PDE3A: variants seen among roughly 807,000 people sequenced by gnomAD.
PDE3A encodes cGMP-inhibited 3',5'-cyclic phosphodiesterase 3A.
In PDE3A, 43 loss-of-function variants were observed where a neutral mutation model predicts 98.3. The observed-to-expected ratio is 0.44, with a 90% CI of 0.34 to 0.56. The LOEUF is 0.56. Among genes scored for constraint, PDE3A ranks in the 20% least tolerant of loss-of-function variants. The pLI, the probability that PDE3A is intolerant of heterozygous loss-of-function variation, is 0.01. For synonymous variants in PDE3A, 663 were observed against 567.9 expected (o/e 1.17, Z -2.38); for missense variants, 1,427 against 1,440.7 (o/e 0.99, Z 0.15).
intron 1 of PDE3A, among the ~76,000 whole-genome samples, chr12:20,455,712 A>G (rs967170824): frequency 2.0e-5 from 3 of 152,152 alleles, no homozygotes; most frequent in Non-Finnish European, 4.4e-5. Flanking sequence ...AAACAGATAA[A>G]CATCATATTA....
intron 1 of PDE3A, among the ~76,000 whole-genome samples, chr12:20,518,409 A>G (rs1592010716): frequency 6.7e-6 from 1 of 149,526 alleles, no homozygotes; most frequent in Non-Finnish European, 1.5e-5. Flanking sequence ...ATAATGGAGA[A>G]AAAAAAAAGA....
chr12:20,436,036 C>T (rs1318344639), intron 1 of PDE3A, among the ~76,000 whole-genome samples: 1 of 152,030 alleles, frequency 6.6e-6, no homozygotes, highest in African/African-American at 2.4e-5. Flanking sequence ...TGGAATTGAT[C>T]CTTGTTACTC....
At chr12:20,577,639 T>C (rs1025378330) in intron 2 of PDE3A, among the ~76,000 whole-genome samples, 1 of 152,214 alleles carries the variant, frequency 6.6e-6, no homozygotes, top group Admixed American at 6.5e-5. Context: ...ATGTTCATTA[T>C]GTTGAACTAG....
intron 9 of PDE3A, among the ~76,000 whole-genome samples, chr12:20,637,820 G>A (rs1944553842): frequency 6.6e-6 from 1 of 151,990 alleles, no homozygotes; most frequent in Non-Finnish European, 1.5e-5. Context: ...TACTTGTTTT[G>A]CTGAAGAAGA....
At chr12:20,648,930 T>TC (rs1944846768) in intron 13 of PDE3A, 39 bp downstream of exon 13, 10 of 1,149,210 alleles carry the variant, frequency 8.7e-6, no homozygotes, top group East Asian at 2.6e-5. Context: ...TCTTTTTCTT[T>TC]TTTTTTTTTT....
chr12:20,615,152 C>T (rs1294981595), intron 3 of PDE3A, among the ~76,000 whole-genome samples: 1 of 151,742 alleles, frequency 6.6e-6, no homozygotes, highest in African/African-American at 2.4e-5. Context: ...GATCCACCCG[C>T]CTTGGCCTCC....
rs529554221 is a variant in PDE3A at position 20,484,744 on chromosome 12, A to G, written c.961-71916A>G. Reference sequence around the variant, plus strand: ...CCTCAGAATTTGAAAGTATGGCTGTAAAGGGTGAAATCACTGATGTTAAGG... The same window carrying G: ...CCTCAGAATTTGAAAGTATGGCTGTGAAGGGTGAAATCACTGATGTTAAGG... On this transcript the variant is annotated intron_variant, in intron 1 of 15. Coordinates refer to ENST00000359062, the MANE Select transcript of PDE3A (RefSeq NM_000921.5). 2.2e-4 allele frequency among the ~76,000 whole-genome samples: 33 copies of G among 152,326 alleles called. No homozygotes were observed. In the South Asian group the frequency reaches 6.4e-3, roughly 30 times the overall value.
At chr12:20,393,289 A>G (rs947252916) in intron 1 of PDE3A, among the ~76,000 whole-genome samples, 9 of 152,076 alleles carry the variant, frequency 5.9e-5, no homozygotes, top group African/African-American at 2.2e-4. Context: ...CACATCTTAC[A>G]TAGATGGCGG....
intron 10 of PDE3A, among the ~76,000 whole-genome samples, chr12:20,644,550 C>T (rs1476532216): frequency 1.3e-5 from 2 of 152,082 alleles, no homozygotes; most frequent in Non-Finnish European, 2.9e-5. Flanking sequence ...GCACACCTGT[C>T]CCAAATCCAG....
chr12:20,563,614 A>G (rs973879564), intron 2 of PDE3A, among the ~76,000 whole-genome samples: 4 of 152,138 alleles, frequency 2.6e-5, no homozygotes, highest in Admixed American at 1.3e-4. Flanking sequence ...AATTTTTCCA[A>G]TAATTGTTTA....
rs1377740610 is a variant in PDE3A, at chr12:20,684,128, G to A, written c.*3857G>A. 6.6e-6 allele frequency: 1 copy of A among 152,108 alleles called. No individual in the cohort carries two copies. Among genetic ancestry groups the A allele is most frequent in the African/African-American group, 2.4e-5 (1 of 41,428 alleles). The allele number at this position is 152,108 out of a possible 1,614,324, so 9.4% of individuals were successfully genotyped here. A position where few individuals can be genotyped will look rare whatever the true frequency, so the allele number is the denominator to read the frequency against. ...ATTTATAAAAGTGAACTAATTGTGT[G>A]ATTATCAAATCCTGATTAATGAGAA... On this transcript the variant is annotated 3_prime_UTR_variant, in exon 16 of 16. Transcript: ENST00000359062.
intron 1 of PDE3A, among the ~76,000 whole-genome samples, chr12:20,524,029 C>T (rs995622999): frequency 2.0e-5 from 3 of 152,050 alleles, no homozygotes; most frequent in African/African-American, 7.2e-5. Context: ...GGACTCATAC[C>T]TCTTTAGTGG....
intron 1 of PDE3A, among the ~76,000 whole-genome samples, chr12:20,555,915 T>C (rs1470868532): frequency 1.3e-5 from 2 of 152,186 alleles, no homozygotes; most frequent in Non-Finnish European, 2.9e-5. Context: ...TAGTCCATCT[T>C]ATTGGTGTGC....
intron 1 of PDE3A, among the ~76,000 whole-genome samples, chr12:20,537,036 A>G (rs975544011): frequency 6.6e-6 from 1 of 152,016 alleles, no homozygotes; most frequent in Admixed American, 6.6e-5. Context: ...ATTTCTCCAC[A>G]TCCTCAACAA....
In PDE3A at chr12:20,648,926, TC is replaced by T. The variant is rs757717073; in HGVS notation, c.2769+36del. ...GCTGTACCCAGTTTTCTTTTCTTTT[TC>T]TTTTTTTTTTTTTTTTGAGACAGAG... On this transcript the variant is annotated intron_variant, in intron 13 of 15. Transcript: ENST00000359062. The T allele has an allele frequency of 6.1e-5, 72 of 1,185,102 alleles. 1 individual carries two copies. Among genetic ancestry groups the T allele is most frequent in the South Asian group, 5.5e-5 (4 of 72,360 alleles). 73.4% of individuals were successfully genotyped at this position (1,185,102 alleles called of 1,614,324 possible).
At chr12:20,485,454 G>A (rs1282047263) in intron 1 of PDE3A, among the ~76,000 whole-genome samples, 2 of 151,694 alleles carry the variant, frequency 1.3e-5, no homozygotes, top group African/African-American at 2.4e-5. Flanking sequence ...TTTTTAGGGG[G>A]GACACAATTC....
At chr12:20,530,377 T>C (rs1391207755) in intron 1 of PDE3A, among the ~76,000 whole-genome samples, 2 of 152,154 alleles carry the variant, frequency 1.3e-5, no homozygotes, top group African/African-American at 2.4e-5. Context: ...GAAATAAGAC[T>C]CAGAGTATAC....
intron 1 of PDE3A, among the ~76,000 whole-genome samples, chr12:20,518,835 A>G (rs1413417247): frequency 6.6e-6 from 1 of 152,198 alleles, no homozygotes; most frequent in Non-Finnish European, 1.5e-5. Flanking sequence ...TTCTGTACTG[A>G]TGGATTTTTT....
intron 1 of PDE3A, among the ~76,000 whole-genome samples, chr12:20,402,076 C>T (rs974219238): frequency 1.3e-5 from 2 of 152,108 alleles, no homozygotes; most frequent in Non-Finnish European, 2.9e-5. Context: ...GATAGTTGTG[C>T]TGCTGGGGAA....
Sources: allele counts gnomAD v4.1 joint callset (sites outside exome capture counted in the v4.1 genomes callset), GRCh38; gene constraint gnomAD v4.1.1; transcripts MANE v1.5; gene names NCBI Gene and HGNC (gene_info 2026-07-23, HGNC 2026-07-21).